C10orf143: variants seen among roughly 807,000 people sequenced by gnomAD.
C10orf143 encodes the protein uncharacterized protein C10orf143.
chr10:130,061,488 CA>C (rs1554945885), downstream of C10orf143, among the ~76,000 whole-genome samples: 1 of 152,152 alleles, frequency 6.6e-6, no homozygotes, highest in Non-Finnish European at 1.5e-5. Flanking sequence ...GAAACCATTA[CA>C]AACTTACTTT....
chr10:130,093,120 T>C (rs1300907964), intron 1 of C10orf143, among the ~76,000 whole-genome samples: 5 of 152,208 alleles, frequency 3.3e-5, no homozygotes, highest in African/African-American at 1.2e-4. Flanking sequence ...TACACATTCT[T>C]CTCAGCACCA....
intron 3 of C10orf143, among the ~76,000 whole-genome samples, chr10:130,074,859 A>C (rs1430779145): frequency 6.6e-6 from 1 of 152,118 alleles, no homozygotes; most frequent in East Asian, 1.9e-4. Flanking sequence ...GAACCAAAAC[A>C]ATAGGTTTGG....
At chr10:130,046,197 G>C (rs1349873221) in intron 3 of C10orf143, among the ~76,000 whole-genome samples, 1 of 151,752 alleles carries the variant, frequency 6.6e-6, no homozygotes, top group Non-Finnish European at 1.5e-5. Flanking sequence ...TGGGGCGCGG[G>C]GCGTGGCGCG....
intron 1 of C10orf143, chr10:130,106,217 T>C: frequency 7.8e-7 from 1 of 1,276,260 alleles, no homozygotes; most frequent in Non-Finnish European, 1.1e-6. Flanking sequence ...TGTTCTCCTT[T>C]TTCTGTGGAG....
intron 3 of C10orf143, among the ~76,000 whole-genome samples, chr10:130,036,888 C>T (rs192236916): frequency 1.3e-3 from 194 of 152,198 alleles, no homozygotes; most frequent in Middle Eastern, 6.8e-3. Flanking sequence ...ACTTTTTGCT[C>T]GCCCTTCTCA....
intron 1 of C10orf143, among the ~76,000 whole-genome samples, chr10:130,103,213 A>G (rs112751678): frequency 0.054 from 8,240 of 152,154 alleles, 724 homozygotes; most frequent in African/African-American, 0.19. Context: ...CCTGACCTCA[A>G]GTGATCTGCC....
chr10:130,107,781 G>A, intron 1 of C10orf143: 1 of 1,241,748 alleles, frequency 8.1e-7, no homozygotes, highest in East Asian at 2.3e-5. Flanking sequence ...AGCTGTGAAA[G>A]GTTAACCGAT....
At chr10:130,048,560 C>T (rs777576661) in intron 3 of C10orf143, among the ~76,000 whole-genome samples, 2 of 152,146 alleles carry the variant, frequency 1.3e-5, no homozygotes. Flanking sequence ...CATGGGAGCC[C>T]AAAGAATTGA....
rs538333138 is a variant in C10orf143, at chr10:130,090,412, A to G, written c.70-10511T>C. On this transcript the variant is annotated intron_variant, in intron 1 of 3. Coordinates refer to ENST00000637128, the MANE Select transcript of C10orf143 (RefSeq NM_001355042.2). ...ACTATGCTTTTCCCATGGTCTTCGC[A>G]ACCCACAGACCAGGAGATTCCCTCG... Among the ~76,000 whole-genome samples, 109 of 152,174 alleles carry G rather than the reference A, an allele frequency of 7.2e-4. 1 individual carries two copies. The highest frequency in any genetic ancestry group is 1.3e-3 in the Non-Finnish European group (87 of 68,040).
At chr10:130,053,707 C>T (rs974197578) in intron 3 of C10orf143, among the ~76,000 whole-genome samples, 2 of 152,186 alleles carry the variant, frequency 1.3e-5, no homozygotes, top group Non-Finnish European at 2.9e-5. Context: ...CAAGGGATCC[C>T]GAGTACATCT....
intron 1 of C10orf143, among the ~76,000 whole-genome samples, 166 bp downstream of exon 1, chr10:130,110,538 C>G (rs1167021261): frequency 1.4e-5 from 2 of 140,978 alleles, no homozygotes; most frequent in African/African-American, 3.0e-5. Context: ...TAACAGGCCA[C>G]GCCCATCACT....
intron 1 of C10orf143, among the ~76,000 whole-genome samples, chr10:130,085,034 A>C (rs1048317442): frequency 1.3e-5 from 2 of 152,246 alleles, no homozygotes; most frequent in Non-Finnish European, 2.9e-5. Context: ...CCCATATCAA[A>C]AATAATTGAG....
At chr10:130,048,947 C>G (rs922378090) in intron 3 of C10orf143, among the ~76,000 whole-genome samples, 6 of 152,170 alleles carry the variant, frequency 3.9e-5, no homozygotes, top group African/African-American at 1.4e-4. Context: ...TCAGAGGATC[C>G]TCCTACCTCG....
At chr10:130,061,471 TG>T (rs1317997018), downstream of C10orf143, among the ~76,000 whole-genome samples, 17 of 152,370 alleles carry the variant, frequency 1.1e-4, no homozygotes, top group African/African-American at 4.1e-4. Context: ...CGTAAGTTGT[TG>T]GTTTAGAAAC....
intron 1 of C10orf143, among the ~76,000 whole-genome samples, chr10:130,097,418 G>T (rs1298727921): frequency 6.6e-6 from 1 of 152,114 alleles, no homozygotes; most frequent in Non-Finnish European, 1.5e-5. Context: ...ACTGCAGTGA[G>T]ATACTGCTCC....
chr10:130,106,488 T>C (rs1564972522), intron 1 of C10orf143: 3 of 1,602,154 alleles, frequency 1.9e-6, no homozygotes, highest in Admixed American at 1.7e-5. Flanking sequence ...ATTCTCTGTC[T>C]AGAAAAAGAG....
chr10:130,051,318 C>T (rs1171716), intron 3 of C10orf143, among the ~76,000 whole-genome samples: 15,911 of 51,002 alleles, frequency 0.31, 1,057 homozygotes, highest in Admixed American at 0.38. Context: ...CTCCTACCCC[C>T]GCCTCATTAA....
chr10:130,071,259 G>A (rs1449637380), intron 3 of C10orf143, among the ~76,000 whole-genome samples: 5 of 152,134 alleles, frequency 3.3e-5, no homozygotes, highest in African/African-American at 4.8e-5. Context: ...TAGCTTACCA[G>A]AAATGCCCAC....
At chr10:130,085,361 C>T (rs148208576) in intron 1 of C10orf143, among the ~76,000 whole-genome samples, 122 of 152,314 alleles carry the variant, frequency 8.0e-4, no homozygotes, top group African/African-American at 2.6e-3. Context: ...AACCCTCCTC[C>T]GTACAACGTA....
Sources: gnomAD v4.1 joint callset for allele counts (sites outside exome capture counted in the v4.1 genomes callset) on GRCh38, gnomAD v4.1.1 for gene constraint, MANE v1.5 for transcripts, NCBI Gene and HGNC (gene_info 2026-07-23, HGNC 2026-07-21) for gene names.